The following DOCK2 variants were observed in gnomAD, a reference collection of about 807,000 sequenced individuals.
DOCK2 encodes the protein dedicator of cytokinesis 2.
In DOCK2, 87 loss-of-function variants were observed where a neutral mutation model predicts 248.9. That is an observed-to-expected ratio of 0.35 (90% confidence interval 0.29 to 0.42). DOCK2 has a LOEUF of 0.42. Among genes scored for constraint, DOCK2 ranks in the 10% least tolerant of loss-of-function variants. The pLI is 1.00. For synonymous variants in DOCK2, 805 were observed against 821.6 expected (o/e 0.98, Z 0.35); for missense variants, 1,747 against 2,300.2 (o/e 0.76, Z 4.92).
At chr5:170,058,930 A>G (rs1757230092) in intron 44 of DOCK2, among the ~76,000 whole-genome samples, 1 of 152,194 alleles carries the variant, frequency 6.6e-6, no homozygotes, top group Non-Finnish European at 1.5e-5. Flanking sequence ...TGATGGTGAT[A>G]GCAAAAAACA....
At chr5:169,831,648 C>G (rs1769234926) in intron 26 of DOCK2, among the ~76,000 whole-genome samples, 1 of 152,198 alleles carries the variant, frequency 6.6e-6, no homozygotes, top group African/African-American at 2.4e-5. Flanking sequence ...TTGTAGAAGT[C>G]TTTCTCCCAT....
At chr5:169,812,272 A>G (rs1767805225) in intron 26 of DOCK2, among the ~76,000 whole-genome samples, 2 of 152,322 alleles carry the variant, frequency 1.3e-5, no homozygotes, top group Non-Finnish European at 2.9e-5. Flanking sequence ...TGAACTGCAC[A>G]TGAGAGGAGT....
rs183444844 is a variant in DOCK2, at chr5:170,063,534, G to T, written c.4468-3976G>T. Among the ~76,000 whole-genome samples the T allele has an allele frequency of 4.1e-4, 62 of 152,320 alleles. 1 individual carries two copies. The South Asian group carries it at 7.2e-3, about 18-fold the overall frequency. On this transcript the variant is annotated intron_variant, in intron 44 of 51. Transcript: ENST00000520908. ...CCTGGCAGCTAACAAACTTGCATCA[G>T]GAAGCTAATAGGGCAAACAAACAAT...
chr5:169,797,196 AG>A (rs1156849933), intron 25 of DOCK2, among the ~76,000 whole-genome samples: 2 of 152,222 alleles, frequency 1.3e-5, no homozygotes, highest in African/African-American at 4.8e-5. Context: ...GAGACAGCAA[AG>A]GAGAAAGAAC....
intron 27 of DOCK2, among the ~76,000 whole-genome samples, chr5:169,851,803 A>G (rs1179124583): frequency 1.3e-5 from 2 of 152,142 alleles, no homozygotes; most frequent in Non-Finnish European, 2.9e-5. Context: ...GCCCCTTTAT[A>G]AAACCATCAG....
At chr5:169,997,020 C>T (rs900083148) in intron 30 of DOCK2, among the ~76,000 whole-genome samples, 10 of 152,088 alleles carry the variant, frequency 6.6e-5, no homozygotes, top group African/African-American at 1.9e-4. Context: ...TGGAGGATCC[C>T]GCCAGCCTCT....
chr5:169,759,617 G>T, intron 23 of DOCK2, 88 bp from the exon 24 acceptor site: 2 of 1,408,194 alleles, frequency 1.4e-6, no homozygotes, highest in South Asian at 2.3e-5. Context: ...ATTCTCCTCT[G>T]ATCTGTGTCA....
At chr5:169,962,571 A>C (rs1024230848) in intron 27 of DOCK2, among the ~76,000 whole-genome samples, 2 of 152,178 alleles carry the variant, frequency 1.3e-5, no homozygotes, top group African/African-American at 4.8e-5. Flanking sequence ...AGATCTGCAA[A>C]TATGTGCTGA....
intron 8 of DOCK2, among the ~76,000 whole-genome samples, chr5:169,687,296 G>GA (rs927773886): frequency 6.6e-6 from 1 of 152,030 alleles, no homozygotes; most frequent in South Asian, 2.1e-4. Context: ...AGATCTTACT[G>GA]AAAAAAACAC....
At chr5:169,884,129 A>G (rs1284298540) in intron 27 of DOCK2, 1 of 385,274 alleles carries the variant, frequency 2.6e-6, no homozygotes, top group Non-Finnish European at 4.6e-6. Context: ...AATTCATTGT[A>G]GTCATAATTG....
chr5:169,978,392 T>TGGGG (rs150934804), intron 27 of DOCK2, among the ~76,000 whole-genome samples: 1 of 22,742 alleles, frequency 4.4e-5, no homozygotes, highest in Non-Finnish European at 1.1e-4. Flanking sequence ...TGTGTGTGTG[T>TGGGG]GGGGGGGGGG....
chr5:169,747,292 C>T (rs2113688869), intron 22 of DOCK2, 104 bp from the exon 23 acceptor site: 1 of 984,088 alleles, frequency 1.0e-6, no homozygotes, highest in Non-Finnish European at 1.5e-6. Context: ...CCCCACCTCC[C>T]ACTCCTTTTT....
At chr5:169,951,354 T>G (rs1020901227) in intron 27 of DOCK2, among the ~76,000 whole-genome samples, 1 of 152,230 alleles carries the variant, frequency 6.6e-6, no homozygotes, top group African/African-American at 2.4e-5. Flanking sequence ...CAGAGGATTC[T>G]TAATGCTTCC....
chr5:169,758,802 G>T (rs1764328994), intron 23 of DOCK2, among the ~76,000 whole-genome samples: 1 of 152,204 alleles, frequency 6.6e-6, no homozygotes, highest in South Asian at 2.1e-4. Flanking sequence ...CATTATTTAT[G>T]TTAAGAATCT....
chr5:169,917,516 C>G (rs967610067), intron 27 of DOCK2, among the ~76,000 whole-genome samples: 4 of 152,152 alleles, frequency 2.6e-5, no homozygotes. Context: ...ATAGCTGAGG[C>G]TCTGTGGAAG....
intron 46 of DOCK2, among the ~76,000 whole-genome samples, chr5:170,072,582 C>A (rs1038705960): frequency 6.6e-6 from 1 of 152,158 alleles, no homozygotes; most frequent in Non-Finnish European, 1.5e-5. Context: ...GCACATTTAA[C>A]CTTACTGGAC....
intron 27 of DOCK2, among the ~76,000 whole-genome samples, chr5:169,894,032 A>G (rs1459646705): frequency 6.6e-6 from 1 of 152,166 alleles, no homozygotes; most frequent in Non-Finnish European, 1.5e-5. Flanking sequence ...AGTCACACAC[A>G]TTTGGCTGAT....
intron 24 of DOCK2, among the ~76,000 whole-genome samples, chr5:169,760,856 C>T (rs262854): frequency 1.8e-4 from 28 of 152,210 alleles, no homozygotes; most frequent in Non-Finnish European, 3.5e-4. Context: ...TTAATAAGTC[C>T]TTGAAAGAAT....
intron 50 of DOCK2, chr5:170,081,233 C>T (rs1229773648): frequency 6.5e-6 from 1 of 152,884 alleles, no homozygotes; most frequent in Non-Finnish European, 1.5e-5. Context: ...CCACCACCCC[C>T]AGGATAGCCT....
Sources: gnomAD v4.1 joint callset for allele counts (sites outside exome capture counted in the v4.1 genomes callset) on GRCh38, gnomAD v4.1.1 for gene constraint, MANE v1.5 for transcripts, NCBI Gene and HGNC (gene_info 2026-07-23, HGNC 2026-07-21) for gene names.